The following GCNT2 variants were observed in gnomAD, a reference collection of about 807,000 sequenced individuals.
GCNT2 encodes N-acetyllactosaminide beta-1,6-N-acetylglucosaminyl-transferase.
GCNT2 carries 34 observed loss-of-function variants against 34.2 expected under a neutral mutation model. The ratio of observed to expected loss-of-function variants is 1.00; its 90% confidence interval spans 0.76 to 1.32. GCNT2 has a LOEUF of 1.32. GCNT2 is among the 40% of genes most tolerant of loss of function. GCNT2 has a pLI of 0.00. For missense variants in GCNT2, 584 were observed against 489.4 expected, an observed-to-expected ratio of 1.19 and a Z score of -1.82; for synonymous variants, 212 against 188.0, an observed-to-expected ratio of 1.13 and a Z score of -1.04.
chr6:10,522,419 A>G (rs552665408), intron 1 of GCNT2, among the ~76,000 whole-genome samples: 44 of 152,318 alleles, frequency 2.9e-4, no homozygotes, highest in Non-Finnish European at 5.1e-4. Context: ...TTATTTTTAA[A>G]TGTAGGCCTT....
Position 10,628,775 on chromosome 6 carries a change from C to T in GCNT2, c.*2168C>T, listed in dbSNP as rs1367546821. 1 of 152,388 alleles carries T rather than the reference C, an allele frequency of 6.6e-6. No homozygotes were observed. The highest frequency in any genetic ancestry group is 1.5e-5 in the Non-Finnish European group (1 of 68,176). 9.4% of individuals were successfully genotyped at this position (152,388 alleles called of 1,614,324 possible). On this transcript the variant is annotated 3_prime_UTR_variant, in exon 5 of 5. Coordinates refer to ENST00000495262, the MANE Select transcript of GCNT2 (RefSeq NM_145649.5). ...GTGGCTCACACCTGTAATCCCAACACTTTGGGAGGCCAAGGCAGGTAGATC... is the reference window on the plus strand; with the variant it reads ...GTGGCTCACACCTGTAATCCCAACATTTTGGGAGGCCAAGGCAGGTAGATC...
chr6:10,558,995 G>C (rs1762845637), intron 3 of GCNT2, among the ~76,000 whole-genome samples: 1 of 151,156 alleles, frequency 6.6e-6, no homozygotes, highest in Non-Finnish European at 1.5e-5. Flanking sequence ...ATAAAAGTTG[G>C]GTCCCAGTCA....
At chr6:10,565,593 T>C (rs1763239565) in intron 3 of GCNT2, among the ~76,000 whole-genome samples, 1 of 152,236 alleles carries the variant, frequency 6.6e-6, no homozygotes. Flanking sequence ...AGCAAGGCTT[T>C]GTTTCTTTGC....
chr6:10,531,634 C>T (rs1761493964), intron 3 of GCNT2, among the ~76,000 whole-genome samples: 1 of 152,050 alleles, frequency 6.6e-6, no homozygotes, highest in Non-Finnish European at 1.5e-5. Context: ...TTCTCAGAGC[C>T]AGAAGGGGAA....
At chr6:10,569,859 CT>C in intron 3 of GCNT2, among the ~76,000 whole-genome samples, 1 of 149,556 alleles carries the variant, frequency 6.7e-6, no homozygotes, top group Admixed American at 6.7e-5. Context: ...CTCTTTCTTT[CT>C]CTTTCTTTCT....
At chr6:10,522,824 G>T (rs1760982717) in intron 1 of GCNT2, among the ~76,000 whole-genome samples, 1 of 152,000 alleles carries the variant, frequency 6.6e-6, no homozygotes, top group Admixed American at 6.5e-5. Context: ...ACAAAGCCTC[G>T]GGCACGGAGA....
chr6:10,585,874 C>T lies in GCNT2; in HGVS notation c.926-35477C>T, dbSNP rs574074755. ...TAAAGGATTCAGGAAAGCAAGCAGC[C>T]CTCCGGAGAAGCTGTCGAAATTCAA... On this transcript the variant is annotated intron_variant, in intron 3 of 4. Transcript: ENST00000495262. The T allele has an allele frequency of 1.9e-5, 30 of 1,553,956 alleles. No homozygotes were observed. In the East Asian group the frequency reaches 6.6e-4, roughly 34 times the overall value.
intron 3 of GCNT2, among the ~76,000 whole-genome samples, chr6:10,578,596 G>A (rs779111380): frequency 3.2e-4 from 48 of 151,540 alleles, no homozygotes; most frequent in Admixed American, 9.2e-4. Context: ...AGAGGCACGC[G>A]CCACCTCGCC....
chr6:10,613,094 T>G (rs192388450), intron 3 of GCNT2, among the ~76,000 whole-genome samples: 1 of 152,336 alleles, frequency 6.6e-6, no homozygotes, highest in Admixed American at 6.5e-5. Context: ...TGAGCTTAAA[T>G]AATAAGCAAT....
intron 3 of GCNT2, among the ~76,000 whole-genome samples, chr6:10,553,517 A>G (rs1332740008): frequency 6.6e-6 from 1 of 152,094 alleles, no homozygotes; most frequent in Non-Finnish European, 1.5e-5. Flanking sequence ...ATTCATTGAG[A>G]TTCTAAGTCC....
At chr6:10,553,155 A>G (rs1173361427) in intron 3 of GCNT2, among the ~76,000 whole-genome samples, 1 of 152,204 alleles carries the variant, frequency 6.6e-6, no homozygotes, top group Non-Finnish European at 1.5e-5. Context: ...TGAGGGTGTA[A>G]TGAAGTGTGC....
intron 3 of GCNT2, among the ~76,000 whole-genome samples, chr6:10,602,008 A>G (rs557580650): frequency 3.7e-4 from 56 of 152,138 alleles, no homozygotes; most frequent in African/African-American, 1.4e-3. Context: ...GATACTGGAA[A>G]CTGCCACTGC....
intron 3 of GCNT2, among the ~76,000 whole-genome samples, chr6:10,582,349 GTAATATTAAATATAATATATACTA>G (rs1233876327): frequency 1.0e-5 from 1 of 98,734 alleles, no homozygotes; most frequent in African/African-American, 6.1e-5. Flanking sequence ...ATAATATATA[GTAATATTAAATATAATATATACTA>G]TAATTTAATA....
rs1333894405 is a variant in GCNT2 at position 10,591,331 on chromosome 6, T to C, written c.926-30020T>C. 5.3e-5 allele frequency among the ~76,000 whole-genome samples: 8 copies of C among 152,298 alleles called. No homozygotes were observed. In the East Asian group the frequency reaches 1.5e-3, roughly 29 times the overall value. On this transcript the variant is annotated intron_variant, in intron 3 of 4. Transcript: ENST00000495262. The stretch of plus-strand genomic sequence containing the variant: ...AGAAGATGGGCAGAACCTATGAAAG[T>C]GTACCCTGTACCTAGGATGGGGGAT...
rs1023407593 is a variant in GCNT2, at chr6:10,626,713, G to A, written c.*106G>A. Reference sequence around the variant, plus strand: ...GTAATGTTAACCGTTTCAGGACCACGTTTATAGCTTCAGGACCTGGCTACG... The same window carrying A: ...GTAATGTTAACCGTTTCAGGACCACATTTATAGCTTCAGGACCTGGCTACG... On this transcript the variant is annotated 3_prime_UTR_variant, in exon 5 of 5. Transcript: ENST00000495262. The A allele has an allele frequency of 1.0e-5, 8 of 785,134 alleles. No individual in the cohort carries two copies. Among genetic ancestry groups the A allele is most frequent in the South Asian group, 4.3e-5 (3 of 70,140 alleles). 48.6% of individuals were successfully genotyped at this position (785,134 alleles called of 1,614,324 possible).
At chr6:10,537,698 CAAAAAAAAAAA>C (rs201257236) in intron 3 of GCNT2, among the ~76,000 whole-genome samples, 2 of 83,226 alleles carry the variant, frequency 2.4e-5, no homozygotes, top group African/African-American at 5.8e-5. Flanking sequence ...GATTCTGCCG[CAAAAAAAAAAA>C]AAAAAAAAAA....
chr6:10,590,885 G>T (rs1243134763), intron 3 of GCNT2, among the ~76,000 whole-genome samples: 1 of 152,138 alleles, frequency 6.6e-6, no homozygotes, highest in Non-Finnish European at 1.5e-5. Context: ...GCTTTTTAAT[G>T]ACATCCTCTC....
At chr6:10,612,224 T>G (rs915964997) in intron 3 of GCNT2, among the ~76,000 whole-genome samples, 5 of 152,050 alleles carry the variant, frequency 3.3e-5, no homozygotes, top group African/African-American at 1.2e-4. Context: ...TGACCTCAGG[T>G]AATCCACTCC....
intron 1 of GCNT2, among the ~76,000 whole-genome samples, chr6:10,523,878 C>T (rs1761049507): frequency 6.8e-6 from 1 of 147,916 alleles, no homozygotes; most frequent in African/African-American, 2.5e-5. Flanking sequence ...GAGGCTGAGG[C>T]AGGAGAATGG....
Sources: gnomAD v4.1 joint callset for allele counts (sites outside exome capture counted in the v4.1 genomes callset) on GRCh38, gnomAD v4.1.1 for gene constraint, MANE v1.5 for transcripts, NCBI Gene and HGNC (gene_info 2026-07-23, HGNC 2026-07-21) for gene names.